KCNN2: variants seen among roughly 807,000 people sequenced by gnomAD.
The protein encoded by KCNN2 is small conductance calcium-activated potassium channel protein 2.
A neutral mutation model predicts 55.5 loss-of-function variants in KCNN2; 24 were observed. The observed-to-expected ratio is 0.43, with a 90% CI of 0.31 to 0.61. The LOEUF (loss-of-function observed/expected upper bound fraction) is 0.61. Ranked by LOEUF, KCNN2 falls within the 20% of genes least tolerant of loss-of-function variation. KCNN2 has a pLI of 0.08. For synonymous variants in KCNN2, 431 were observed against 336.1 expected (o/e 1.28, Z -3.09); for missense variants, 754 against 853.6 (o/e 0.88, Z 1.45).
At chr5:114,283,167 C>A (rs1561554116) in intron 2 of KCNN2, among the ~76,000 whole-genome samples, 2 of 152,060 alleles carry the variant, frequency 1.3e-5, no homozygotes, top group African/African-American at 4.8e-5. Context: ...TCCTTTCCTT[C>A]TGAAACTCAA....
chr5:114,260,459 C>T (rs1231508087), intron 2 of KCNN2, among the ~76,000 whole-genome samples: 1 of 152,154 alleles, frequency 6.6e-6, no homozygotes, highest in Non-Finnish European at 1.5e-5. Context: ...AGGTCCAAGT[C>T]AGTATCTACA....
At chr5:114,353,071 T>C (rs982118412) in intron 2 of KCNN2, among the ~76,000 whole-genome samples, 3 of 151,914 alleles carry the variant, frequency 2.0e-5, no homozygotes, top group African/African-American at 7.2e-5. Context: ...TCTGTTTTTA[T>C]GCACATATAT....
chr5:114,262,441 G>C (rs535593234), intron 2 of KCNN2, among the ~76,000 whole-genome samples: 1 of 152,114 alleles, frequency 6.6e-6, no homozygotes, highest in East Asian at 1.9e-4. Context: ...TAAGCCTTAC[G>C]AACCTTTTTC....
intron 3 of KCNN2, among the ~76,000 whole-genome samples, chr5:114,413,181 G>A (rs570778095): frequency 2.2e-4 from 33 of 152,172 alleles, no homozygotes; most frequent in Middle Eastern, 3.4e-3. Flanking sequence ...CAAATAAATT[G>A]GTCATTAAAG....
At chr5:114,467,011 AAGCCTTTACAC>A (rs1486557887) in intron 4 of KCNN2, among the ~76,000 whole-genome samples, 1 of 152,242 alleles carries the variant, frequency 6.6e-6, no homozygotes, top group Non-Finnish European at 1.5e-5. Context: ...TTCAGGACAG[AAGCCTTTACAC>A]AGCCTTGCCT....
intron 2 of KCNN2, among the ~76,000 whole-genome samples, chr5:114,303,148 G>A (rs947664011): frequency 6.6e-6 from 1 of 152,190 alleles, no homozygotes; most frequent in Non-Finnish European, 1.5e-5. Flanking sequence ...TATACGTCTT[G>A]GGACAAATAT....
chr5:114,153,624 G>A (rs549430332), intron 1 of KCNN2, among the ~76,000 whole-genome samples: 2 of 152,356 alleles, frequency 1.3e-5, no homozygotes, highest in South Asian at 4.1e-4. Flanking sequence ...GACAGGAGAA[G>A]CTTGAGCTTA....
intron 3 of KCNN2, among the ~76,000 whole-genome samples, chr5:114,441,232 C>T (rs1332447088): frequency 4.6e-5 from 7 of 152,074 alleles, no homozygotes; most frequent in Non-Finnish European, 7.4e-5. Flanking sequence ...AATACATTTA[C>T]TATTATAGTG....
At chr5:114,254,206 A>G (rs35431614) in intron 2 of KCNN2, among the ~76,000 whole-genome samples, 1 of 152,202 alleles carries the variant, frequency 6.6e-6, no homozygotes, top group Admixed American at 6.5e-5. Flanking sequence ...TTAATGAAAA[A>G]CAATACGAAA....
intron 1 of KCNN2, among the ~76,000 whole-genome samples, chr5:114,148,529 C>G: frequency 6.6e-6 from 1 of 152,080 alleles, no homozygotes; most frequent in East Asian, 1.9e-4. Flanking sequence ...AGAGTGAGGG[C>G]ACTGGGACGT....
chr5:114,428,762 A>G (rs1327488290), intron 3 of KCNN2, among the ~76,000 whole-genome samples: 1 of 152,020 alleles, frequency 6.6e-6, no homozygotes, highest in Non-Finnish European at 1.5e-5. Context: ...GCAATCACTG[A>G]TCTTTTCATT....
chr5:114,426,754 A>G (rs1409430885), intron 3 of KCNN2, among the ~76,000 whole-genome samples: 1 of 152,192 alleles, frequency 6.6e-6, no homozygotes, highest in Non-Finnish European at 1.5e-5. Flanking sequence ...AGATGTTTGT[A>G]TTGAATGGTA....
At chr5:114,458,720 A>G (rs1003128854) in intron 3 of KCNN2, among the ~76,000 whole-genome samples, 1 of 152,222 alleles carries the variant, frequency 6.6e-6, no homozygotes, top group African/African-American at 2.4e-5. Flanking sequence ...TGCTAGAGAT[A>G]TCTACAAGAT....
intron 4 of KCNN2, among the ~76,000 whole-genome samples, chr5:114,469,588 C>A (rs1229314548): frequency 6.6e-6 from 1 of 152,162 alleles, no homozygotes; most frequent in Non-Finnish European, 1.5e-5. Flanking sequence ...CCAACTGTTT[C>A]TACATCGATT....
intron 2 of KCNN2, among the ~76,000 whole-genome samples, chr5:114,391,807 A>C (rs574536960): frequency 6.6e-6 from 1 of 152,306 alleles, no homozygotes; most frequent in South Asian, 2.1e-4. Flanking sequence ...CCTGATGGTG[A>C]CTTTAACAAA....
chr5:114,265,055 G>C (rs1332665983), intron 2 of KCNN2, among the ~76,000 whole-genome samples: 2 of 152,032 alleles, frequency 1.3e-5, no homozygotes. Flanking sequence ...GGCTTGATTG[G>C]GATAAAGCAC....
chr5:114,132,715 G>A (rs1056120945), intron 1 of KCNN2, among the ~76,000 whole-genome samples: 1 of 152,128 alleles, frequency 6.6e-6, no homozygotes, highest in South Asian at 2.1e-4. Flanking sequence ...ATTATAAACA[G>A]TAAAAGCATC....
At chr5:114,169,981 G>C (rs1752999195) in intron 1 of KCNN2, among the ~76,000 whole-genome samples, 1 of 152,004 alleles carries the variant, frequency 6.6e-6, no homozygotes, top group Admixed American at 6.6e-5. Flanking sequence ...AGATTGGTTT[G>C]ATGCACACCT....
At chr5:114,084,093 T>C (rs1750961159) in intron 1 of KCNN2, among the ~76,000 whole-genome samples, 1 of 152,166 alleles carries the variant, frequency 6.6e-6, no homozygotes, top group African/African-American at 2.4e-5. Context: ...AAGGATATCT[T>C]AGTTGCTTCG....
Sources: allele counts gnomAD v4.1 joint callset (sites outside exome capture counted in the v4.1 genomes callset), GRCh38; gene constraint gnomAD v4.1.1; transcripts MANE v1.5; gene names NCBI Gene and HGNC (gene_info 2026-07-23, HGNC 2026-07-21).